The following MANBAL variants were observed in gnomAD, a reference collection of about 807,000 sequenced individuals.
The protein encoded by MANBAL is mannosidase beta like.
A neutral mutation model predicts 6.4 loss-of-function variants in MANBAL; 1 was observed. That is an observed-to-expected ratio of 0.16 (90% CI 0.06 to 0.74). MANBAL has a LOEUF of 0.74. Ranked by LOEUF, MANBAL falls within the 30% of genes least tolerant of loss-of-function variation. The pLI is 0.78. For synonymous variants in MANBAL, 47 were observed against 45.8 expected (o/e 1.03, Z -0.10); for missense variants, 100 against 107.8 (o/e 0.93, Z 0.32).
chr20:37,295,725 G>T (rs1207180980), intron 1 of MANBAL, among the ~76,000 whole-genome samples: 1 of 152,210 alleles, frequency 6.6e-6, no homozygotes, highest in Non-Finnish European at 1.5e-5. Flanking sequence ...CCACCTCCCA[G>T]TGTGGTGGTG....
At chr20:37,308,364 C>G (rs1194525039) in intron 2 of MANBAL, among the ~76,000 whole-genome samples, 1 of 152,158 alleles carries the variant, frequency 6.6e-6, no homozygotes, top group Non-Finnish European at 1.5e-5. Flanking sequence ...TGTGGCCTCC[C>G]TGAAGTCCAC....
intron 2 of MANBAL, among the ~76,000 whole-genome samples, chr20:37,315,353 G>C (rs1390746344): frequency 6.6e-6 from 1 of 152,174 alleles, no homozygotes; most frequent in African/African-American, 2.4e-5. Flanking sequence ...CGTCCTTTCT[G>C]GCCACGGCAC....
At chr20:37,291,892 T>G (rs1444206418) in intron 1 of MANBAL, among the ~76,000 whole-genome samples, 1 of 152,196 alleles carries the variant, frequency 6.6e-6, no homozygotes, top group East Asian at 1.9e-4. Flanking sequence ...GAACCGTGAG[T>G]CCGTTAAACC....
In MANBAL at chr20:37,316,321, C is replaced by CT. The variant is rs758055136; in HGVS notation, c.165dup (p.Glu56Ter). Reference sequence around the variant, plus strand: ...ATCACCTCACAGGAGGCTGAACCGTCTGAGCCCAGAAGTGCTGAGGTGACG... The same window carrying CT: ...ATCACCTCACAGGAGGCTGAACCGTCTTGAGCCCAGAAGTGCTGAGGTGACG... On this transcript the variant is annotated frameshift_variant, in exon 3 of 3. Coordinates refer to ENST00000373606, the MANE Select transcript of MANBAL (RefSeq NM_001003897.2). LOFTEE classifies it high-confidence loss of function. The CT allele has an allele frequency of 6.2e-7, 1 of 1,613,666 alleles. No homozygotes were observed. Among genetic ancestry groups the CT allele is most frequent in the Admixed American group, 1.7e-5 (1 of 60,008 alleles).
chr20:37,302,333 C>T (rs1352159652), intron 2 of MANBAL: 2 of 1,550,446 alleles, frequency 1.3e-6, no homozygotes, highest in Non-Finnish European at 1.7e-6. Flanking sequence ...GGTACGAATA[C>T]CTCAGAGCTG....
At chr20:37,292,406 A>G (rs757814466) in intron 1 of MANBAL, among the ~76,000 whole-genome samples, 5 of 152,146 alleles carry the variant, frequency 3.3e-5, no homozygotes, top group Non-Finnish European at 4.4e-5. Context: ...GGTTTAAGTG[A>G]TTCTCCTGCC....
At chr20:37,291,769 G>T (rs1364358538) in intron 1 of MANBAL, among the ~76,000 whole-genome samples, 1 of 152,142 alleles carries the variant, frequency 6.6e-6, no homozygotes, top group Non-Finnish European at 1.5e-5. Flanking sequence ...AGATCTGATG[G>T]TTTTATAAAG....
chr20:37,308,333 G>A (rs2146820904), intron 2 of MANBAL, among the ~76,000 whole-genome samples: 1 of 152,316 alleles, frequency 6.6e-6, no homozygotes, highest in South Asian at 2.1e-4. Context: ...AGGCAGAGCA[G>A]TGGGCAGGAG....
chr20:37,298,783 A>C (rs1157209005), intron 1 of MANBAL: 2 of 151,432 alleles, frequency 1.3e-5, no homozygotes, highest in African/African-American at 4.9e-5. Flanking sequence ...CCCGTCACTC[A>C]GGGTGGCGCA....
At chr20:37,310,458 A>G (rs1057128649) in intron 2 of MANBAL, among the ~76,000 whole-genome samples, 7 of 152,216 alleles carry the variant, frequency 4.6e-5, no homozygotes, top group African/African-American at 1.7e-4. Flanking sequence ...GGGTCATGCA[A>G]GATAAGGTGC....
chr20:37,300,200 C>T (rs1370327692), intron 1 of MANBAL, among the ~76,000 whole-genome samples: 1 of 152,176 alleles, frequency 6.6e-6, no homozygotes, highest in Non-Finnish European at 1.5e-5. Context: ...CGCCCCCACT[C>T]CTCTCTGATC....
intron 2 of MANBAL, chr20:37,302,396 C>T: frequency 1.3e-6 from 2 of 1,529,442 alleles, no homozygotes; most frequent in Non-Finnish European, 1.8e-6. Flanking sequence ...TGTCTGGCTG[C>T]TGCACATTTA....
At chr20:37,308,456 G>T (rs2069308592) in intron 2 of MANBAL, among the ~76,000 whole-genome samples, 1 of 152,174 alleles carries the variant, frequency 6.6e-6, no homozygotes, top group Non-Finnish European at 1.5e-5. Flanking sequence ...CACCACCACT[G>T]TGTTCCAGCT....
At position 37,295,229 on chromosome 20, in the gene MANBAL, A is replaced by C. The variant is rs563473475; in HGVS notation, c.-57+5543A>C. Among the ~76,000 whole-genome samples, 60 of 152,308 alleles carry C rather than the reference A, an allele frequency of 3.9e-4. 2 individuals carry two copies. Among genetic ancestry groups the C allele is most frequent in the South Asian group, 2.1e-4 (1 of 4,828 alleles). ...GAGGCATAGGCTTAGTCATTTACCA[A>C]ATATTTATGAGTCAGGACCTGGAAT... is the stretch of plus-strand genomic sequence containing the variant. On this transcript the variant is annotated intron_variant, in intron 1 of 2. Coordinates refer to ENST00000373606, the MANE Select transcript of MANBAL (RefSeq NM_001003897.2).
At chr20:37,301,902 G>A (rs2069145708) in intron 2 of MANBAL, among the ~76,000 whole-genome samples, 1 of 152,234 alleles carries the variant, frequency 6.6e-6, no homozygotes, top group Admixed American at 6.5e-5. Context: ...AGAGGGCACT[G>A]CACGTGCAAG....
chr20:37,304,770 G>T (rs2069220400), intron 2 of MANBAL, among the ~76,000 whole-genome samples: 1 of 152,148 alleles, frequency 6.6e-6, no homozygotes, highest in Admixed American at 6.5e-5. Context: ...AACATGCCAA[G>T]TTCAGTTTTA....
At chr20:37,312,185 C>T (rs1404681791) in intron 2 of MANBAL, among the ~76,000 whole-genome samples, 1 of 152,150 alleles carries the variant, frequency 6.6e-6, no homozygotes, top group Non-Finnish European at 1.5e-5. Context: ...ACAGAAGACT[C>T]CCTTCAGCTG....
chr20:37,299,964 T>C lies in MANBAL; in HGVS notation c.-56-1244T>C, dbSNP rs139894971. On this transcript the variant is annotated intron_variant, in intron 1 of 2. Transcript: ENST00000373606. ...AGAGGCTGGAGAGCTGGGCTGAGGC[T>C]GGACCTTGCACCACTGGCCACCACT... is the stretch of plus-strand genomic sequence containing the variant. Among the ~76,000 whole-genome samples the C allele has an allele frequency of 3.7e-3, 562 of 152,298 alleles. 2 individuals are homozygous for C. Among genetic ancestry groups the C allele is most frequent in the Middle Eastern group, 0.014 (4 of 294 alleles).
intron 2 of MANBAL, among the ~76,000 whole-genome samples, chr20:37,310,059 A>G (rs911163119): frequency 6.6e-6 from 1 of 152,180 alleles, no homozygotes; most frequent in Non-Finnish European, 1.5e-5. Flanking sequence ...ACGGCTGGAC[A>G]CACAAGGAGC....
Sources: allele counts gnomAD v4.1 joint callset (sites outside exome capture counted in the v4.1 genomes callset), GRCh38; gene constraint gnomAD v4.1.1; transcripts MANE v1.5; gene names NCBI Gene and HGNC (gene_info 2026-07-23, HGNC 2026-07-21).